UVRAG: variants seen among roughly 807,000 people sequenced by gnomAD.
UVRAG encodes UV radiation resistance-associated gene protein.
A neutral mutation model predicts 78.0 loss-of-function variants in UVRAG; 19 were observed. The observed-to-expected ratio is 0.24, with a 90% CI of 0.17 to 0.36. The LOEUF (loss-of-function observed/expected upper bound fraction) is 0.36, where lower values mean the gene tolerates loss of function less well. Ranked by LOEUF, UVRAG falls within the 10% of genes least tolerant of loss-of-function variation. The pLI is 1.00. For synonymous variants in UVRAG, 323 were observed against 324.6 expected (o/e 1.00, Z 0.05); for missense variants, 740 against 853.8 (o/e 0.87, Z 1.66).
chr11:76,008,769 CT>C (rs1949997454), intron 10 of UVRAG, 37 bp from the exon 11 acceptor site: 1 of 1,197,578 alleles, frequency 8.4e-7, no homozygotes, highest in African/African-American at 1.5e-5. Flanking sequence ...AGTTTCTTTG[CT>C]TTATTTATTA....
At chr11:76,097,670 TTC>T (rs1462706787) in intron 13 of UVRAG, among the ~76,000 whole-genome samples, 1 of 152,194 alleles carries the variant, frequency 6.6e-6, no homozygotes, top group Non-Finnish European at 1.5e-5. Context: ...ATAGAAGGGG[TTC>T]AATATCTATT....
At chr11:76,066,833 G>A (rs184560254) in intron 13 of UVRAG, among the ~76,000 whole-genome samples, 1 of 152,224 alleles carries the variant, frequency 6.6e-6, no homozygotes, top group East Asian at 1.9e-4. Flanking sequence ...CCTTCCAACT[G>A]GAATATCACA....
intron 13 of UVRAG, among the ~76,000 whole-genome samples, chr11:76,112,784 T>A (rs1372585322): frequency 6.6e-6 from 1 of 151,542 alleles, no homozygotes; most frequent in Non-Finnish European, 1.5e-5. Flanking sequence ...TGGAGTGCAG[T>A]GGCACAATCT....
At chr11:75,986,689 G>C (rs1949507323) in intron 8 of UVRAG, among the ~76,000 whole-genome samples, 1 of 152,096 alleles carries the variant, frequency 6.6e-6, no homozygotes, top group Non-Finnish European at 1.5e-5. Flanking sequence ...TTTATTCACA[G>C]AGTTGTGCAG....
In UVRAG at chr11:76,140,577, CTA is replaced by C. The variant is rs537042729; in HGVS notation, c.1398-132_1398-131del. 1.3e-3 allele frequency: 1,204 copies of C among 918,800 alleles called. 12 individuals are homozygous for C. In the African/African-American group the frequency reaches 0.018, roughly 14 times the overall value. The allele number at this position is 918,800 out of a possible 1,614,324, so 56.9% of individuals were successfully genotyped here. Reference sequence around the variant, plus strand: ...TTTTTGCATTGAGACACTGCAATAACTATTGTCTAAGATTGATTCTTATCTAT... The same window carrying C: ...TTTTTGCATTGAGACACTGCAATAACTTGTCTAAGATTGATTCTTATCTAT... On this transcript the variant is annotated intron_variant, in intron 14 of 14. Transcript: ENST00000356136.
chr11:75,935,375 A>ACT (rs200096957), intron 6 of UVRAG, among the ~76,000 whole-genome samples: 2,342 of 152,146 alleles, frequency 0.015, 75 homozygotes, highest in African/African-American at 0.053. Context: ...GTTATTAAAA[A>ACT]CTCAACAAAT....
At chr11:75,818,060 AAAAC>A (rs145140799) in intron 1 of UVRAG, among the ~76,000 whole-genome samples, 12,251 of 151,096 alleles carry the variant, frequency 0.081, 785 homozygotes, top group African/African-American at 0.16. Flanking sequence ...ACTCTATCTA[AAAAC>A]AAACAAACAA....
chr11:75,848,992 A>G (rs948938893), intron 1 of UVRAG, among the ~76,000 whole-genome samples: 6 of 152,148 alleles, frequency 3.9e-5, no homozygotes, highest in Non-Finnish European at 7.4e-5. Context: ...CAGCCTGGCC[A>G]ACATGGTGAA....
chr11:75,951,446 G>A (rs895141765), intron 6 of UVRAG, among the ~76,000 whole-genome samples: 4 of 151,642 alleles, frequency 2.6e-5, no homozygotes, highest in Non-Finnish European at 5.9e-5. Context: ...ACAATGGTGC[G>A]ATCTCAGCTC....
intron 2 of UVRAG, among the ~76,000 whole-genome samples, chr11:75,857,946 G>A (rs189216313): frequency 1.4e-4 from 21 of 151,860 alleles, no homozygotes; most frequent in African/African-American, 4.1e-4. Flanking sequence ...TGGTACTTAA[G>A]ATCACTTGAC....
intron 1 of UVRAG, among the ~76,000 whole-genome samples, chr11:75,836,189 A>G (rs1227998094): frequency 6.6e-6 from 1 of 152,126 alleles, no homozygotes; most frequent in Non-Finnish European, 1.5e-5. Flanking sequence ...AGCCTTTGCT[A>G]CTCTGCATCA....
chr11:75,939,656 CT>C (rs1948443758), intron 6 of UVRAG, among the ~76,000 whole-genome samples: 1 of 152,024 alleles, frequency 6.6e-6, no homozygotes, highest in African/African-American at 2.4e-5. Flanking sequence ...CTTCAGATTG[CT>C]TTTTGCTTAT....
intron 14 of UVRAG, among the ~76,000 whole-genome samples, chr11:76,121,040 G>T (rs1247396225): frequency 1.3e-5 from 2 of 152,176 alleles, no homozygotes; most frequent in Non-Finnish European, 2.9e-5. Flanking sequence ...ACTGGCTGAG[G>T]ATCAGTGCAT....
intron 6 of UVRAG, among the ~76,000 whole-genome samples, chr11:75,931,103 A>G (rs922957986): frequency 2.6e-5 from 4 of 151,030 alleles, no homozygotes; most frequent in Admixed American, 1.3e-4. Context: ...TGTTCATTTT[A>G]TGTTTTTTTG....
At chr11:75,937,420 C>T (rs558961304) in intron 6 of UVRAG, among the ~76,000 whole-genome samples, 2 of 152,284 alleles carry the variant, frequency 1.3e-5, no homozygotes, top group South Asian at 4.1e-4. Flanking sequence ...TTTCCTTTTG[C>T]ATTTCTCATG....
intron 6 of UVRAG, among the ~76,000 whole-genome samples, chr11:75,926,326 T>A (rs1432573375): frequency 2.6e-5 from 4 of 152,212 alleles, no homozygotes; most frequent in Non-Finnish European, 2.9e-5. Flanking sequence ...CATCCCTGAC[T>A]GTTCTTAGGC....
At chr11:76,136,509 CT>C (rs200388478) in intron 14 of UVRAG, among the ~76,000 whole-genome samples, 5,152 of 136,018 alleles carry the variant, frequency 0.038, 229 homozygotes, top group African/African-American at 0.12. Flanking sequence ...TTCTTGTTTC[CT>C]TTTTTTTTTT....
At chr11:76,045,468 A>G (rs1196299277) in intron 12 of UVRAG, among the ~76,000 whole-genome samples, 1 of 152,240 alleles carries the variant, frequency 6.6e-6, no homozygotes, top group Admixed American at 6.5e-5. Context: ...TGAAAAAGAA[A>G]TGTGGAGGAA....
chr11:75,823,550 G>T (rs1004014348), intron 1 of UVRAG, among the ~76,000 whole-genome samples: 7 of 152,118 alleles, frequency 4.6e-5, no homozygotes, highest in African/African-American at 1.4e-4. Context: ...GCCCAGGCTG[G>T]TCTCTACCTC....
Sources: gnomAD v4.1 joint callset for allele counts (sites outside exome capture counted in the v4.1 genomes callset) on GRCh38, gnomAD v4.1.1 for gene constraint, MANE v1.5 for transcripts, NCBI Gene and HGNC (gene_info 2026-07-23, HGNC 2026-07-21) for gene names.